ILKAP: variants seen among roughly 807,000 people sequenced by gnomAD.
ILKAP encodes integrin-linked kinase-associated serine/threonine phosphatase 2C.
In ILKAP, 11 loss-of-function variants were observed where a neutral mutation model predicts 49.1. The ratio of observed to expected loss-of-function variants is 0.22; its 90% CI spans 0.14 to 0.37. The LOEUF (loss-of-function observed/expected upper bound fraction) is 0.37, where lower values mean the gene tolerates loss of function less well. Among genes scored for constraint, ILKAP ranks in the 10% least tolerant of loss-of-function variants. The pLI is 1.00. For missense variants in ILKAP, 363 were observed against 510.8 expected (o/e 0.71, Z 2.79); for synonymous variants, 186 against 192.8 (o/e 0.96, Z 0.29).
intron 4 of ILKAP, among the ~76,000 whole-genome samples, chr2:238,189,052 C>T (rs1694015907): frequency 6.6e-6 from 1 of 152,208 alleles, no homozygotes; most frequent in Non-Finnish European, 1.5e-5. Context: ...GGCACGGTTG[C>T]TCACGCCTGT....
At chr2:238,180,184 GAAAGAAAAAGAA>G (rs71043111) in intron 9 of ILKAP, among the ~76,000 whole-genome samples, 3 of 150,052 alleles carry the variant, frequency 2.0e-5, no homozygotes, top group African/African-American at 4.9e-5. Flanking sequence ...AAAAAAGAAA[GAAAGAAAAAGAA>G]AAAGAAAAAG....
At chr2:238,183,883 C>T (rs1693795593) in intron 7 of ILKAP, 137 bp downstream of exon 7, 7 of 952,298 alleles carry the variant, frequency 7.4e-6, no homozygotes, top group Non-Finnish European at 1.1e-5. Flanking sequence ...TTAGATTTAG[C>T]TAACGGTTAT....
At chr2:238,197,483 A>C (rs1185214505) in intron 1 of ILKAP, among the ~76,000 whole-genome samples, 2 of 152,172 alleles carry the variant, frequency 1.3e-5, no homozygotes, top group Non-Finnish European at 2.9e-5. Context: ...GTCATATTTT[A>C]ACTTTTGAAT....
intron 3 of ILKAP, among the ~76,000 whole-genome samples, chr2:238,190,410 G>A (rs946668960): frequency 6.6e-6 from 1 of 152,170 alleles, no homozygotes; most frequent in South Asian, 2.1e-4. Flanking sequence ...CAGCCTTTAA[G>A]AACTGTAATA....
intron 11 of ILKAP, 50 bp from the exon 12 acceptor site, chr2:238,170,726 C>A: frequency 2.5e-6 from 4 of 1,600,952 alleles, no homozygotes; most frequent in East Asian, 2.2e-5. Flanking sequence ...CGCACCCTGT[C>A]ACTTTCCTGA....
chr2:238,178,790 AATTATT>A (rs1472878013), intron 9 of ILKAP, among the ~76,000 whole-genome samples: 1 of 145,574 alleles, frequency 6.9e-6, no homozygotes, highest in Non-Finnish European at 1.5e-5. Context: ...GATGTAAATC[AATTATT>A]ATTATTTTTT....
chr2:238,192,785 C>T (rs901278502), intron 3 of ILKAP, among the ~76,000 whole-genome samples: 6 of 151,468 alleles, frequency 4.0e-5, no homozygotes, highest in East Asian at 3.9e-4. Flanking sequence ...GAGGCTGAGG[C>T]GGACAGATCA....
intron 1 of ILKAP, among the ~76,000 whole-genome samples, chr2:238,196,963 G>A (rs1694368747): frequency 6.6e-6 from 1 of 152,216 alleles, no homozygotes; most frequent in Non-Finnish European, 1.5e-5. Flanking sequence ...AGCACTTTGG[G>A]AGGTCAAGGT....
In ILKAP at chr2:238,188,210, C is replaced by T; in HGVS notation, c.346G>A (p.Gly116Ser). The T allele has an allele frequency of 6.2e-7, 1 of 1,614,064 alleles. No homozygotes were observed. The highest frequency in any genetic ancestry group is 1.1e-5 in the South Asian group (1 of 91,068). ...GCATCCTGCATCTCCTCCCTCTCAC[C>T]CTTCCGCTCAGCCACATAGCCCTTC... ...GLKGYVAERK[G>S]EREEMQDAHV... is the part of the protein sequence containing the mutation. The change falls in exon 5 of 12, where the codon GGT (glycine) becomes AGT (serine). Residue 116 changes from glycine (G) to serine (S), a missense_variant. Gly to Ser is a moderately conservative substitution (Grantham distance 56). This residue lies in a region of ILKAP where 166 missense variants were observed against 307.3 expected (regional missense o/e 0.54). Transcript: ENST00000254654.
chr2:238,182,242 G>GT, intron 8 of ILKAP, 56 bp from the exon 9 acceptor site: 1 of 1,595,086 alleles, frequency 6.3e-7, no homozygotes, highest in Non-Finnish European at 8.6e-7. Flanking sequence ...GCATCTAAAG[G>GT]TACCAGTTGA....
At position 238,185,561 on chromosome 2, in the gene ILKAP, T is replaced by TG. The variant is rs1673233577; in HGVS notation, c.426-275dup. 3 of 293,196 alleles carry TG rather than the reference T, an allele frequency of 1.0e-5. No homozygotes were observed. The South Asian group carries it at 1.2e-4, about 11-fold the overall frequency. The allele number at this position is 293,196 out of a possible 1,614,324, so 18.2% of individuals were successfully genotyped here. On this transcript the variant is annotated intron_variant, in intron 5 of 11. Transcript: ENST00000254654. ...GCTCATGCCTGTAATCCCAGCGCTTTGGGAGGCCGAGGCAGGCGGATCACG... is the reference window on the plus strand; with the variant it reads ...GCTCATGCCTGTAATCCCAGCGCTTTGGGGAGGCCGAGGCAGGCGGATCACG...
At chr2:238,190,003 A>G in intron 3 of ILKAP, 31 bp from the exon 4 acceptor site, 1 of 1,607,882 alleles carries the variant, frequency 6.2e-7, no homozygotes, top group Non-Finnish European at 8.5e-7. Flanking sequence ...AGACAGAAAC[A>G]CAGCTGTAGA....
At position 238,203,549 on chromosome 2, in the gene ILKAP, T is replaced by A; in HGVS notation, c.5A>T (p.Asp2Val). The A allele has an allele frequency of 8.5e-7, 1 of 1,176,002 alleles. No individual in the cohort carries two copies. Among genetic ancestry groups the A allele is most frequent in the Non-Finnish European group, 1.1e-6 (1 of 948,808 alleles). 72.8% of individuals were successfully genotyped at this position (1,176,002 alleles called of 1,614,324 possible). The change falls in exon 1 of 12, where the codon GAC becomes GTC. Residue 2 changes from aspartate to valine, a missense_variant. By Grantham distance (152) the Asp-to-Val change is radical. Around this residue, in one of 3 missense-constraint regions of ILKAP, gnomAD observed 114 missense variants for 116.0 expected, o/e 0.98. Coordinates refer to ENST00000254654, the MANE Select transcript of ILKAP (RefSeq NM_030768.3). ...GGGCTCCGGCAGGTCCCCGAAGAGG[T>A]CCATGGCGGAGGCTGGGTGGAGGCG... M[D>V]LFGDLPEPER...
At chr2:238,198,931 C>T (rs1181375448) in intron 1 of ILKAP, among the ~76,000 whole-genome samples, 1 of 152,174 alleles carries the variant, frequency 6.6e-6, no homozygotes, top group Non-Finnish European at 1.5e-5. Context: ...TTTCCAAACA[C>T]CACAGAGGTA....
chr2:238,184,219 C>T, intron 6 of ILKAP, 106 bp from the exon 7 acceptor site: 1 of 705,176 alleles, frequency 1.4e-6, no homozygotes, highest in Non-Finnish European at 2.5e-6. Flanking sequence ...GAGACGGAGT[C>T]TCGTTCTGTC....
chr2:238,191,359 T>C (rs895049349), intron 3 of ILKAP, among the ~76,000 whole-genome samples: 3 of 152,182 alleles, frequency 2.0e-5, no homozygotes, highest in Admixed American at 1.3e-4. Flanking sequence ...AGGTTGGTCT[T>C]GAACCGCCTG....
At chr2:238,175,492 C>T (rs1459567711) in intron 9 of ILKAP, among the ~76,000 whole-genome samples, 3 of 152,134 alleles carry the variant, frequency 2.0e-5, no homozygotes, top group Admixed American at 6.6e-5. Flanking sequence ...TCCCAGGAAA[C>T]GCGTTTGGTA....
At position 238,189,918 on chromosome 2, in the gene ILKAP, T is replaced by C. The variant is rs200303880; in HGVS notation, c.233A>G (p.Lys78Arg). 1.2e-5 allele frequency: 20 copies of C among 1,613,964 alleles called. No individual in the cohort carries two copies. The highest frequency in any genetic ancestry group is 2.5e-6 in the Non-Finnish European group (3 of 1,179,938). The change falls in exon 4 of 12, where the codon AAG becomes AGG. Residue 78 changes from lysine to arginine, a missense_variant. By Grantham distance (26) the Lys-to-Arg change is conservative. Around this residue, in one of 3 missense-constraint regions of ILKAP, gnomAD observed 114 missense variants for 116.0 expected, o/e 0.98. Coordinates refer to ENST00000254654, the MANE Select transcript of ILKAP (RefSeq NM_030768.3). ...QMVKTEGKGA[K>R]RKTSEEEKNG... ...CTTCTCTTCCTCGGAGGTTTTTCTCTTTGCTCCTTTCCCTTCAGTCTTTAC... is the reference window on the plus strand; with the variant it reads ...CTTCTCTTCCTCGGAGGTTTTTCTCCTTGCTCCTTTCCCTTCAGTCTTTAC...
chr2:238,189,713 C>G (rs111577930), intron 4 of ILKAP, 140 bp downstream of exon 4: 2 of 675,890 alleles, frequency 3.0e-6, no homozygotes, highest in Non-Finnish European at 4.8e-6. Context: ...CTTGGAAATT[C>G]ATTTGCAAAA....
Sources: allele counts gnomAD v4.1 joint callset (sites outside exome capture counted in the v4.1 genomes callset), GRCh38; gene constraint gnomAD v4.1.1; regional missense constraint gnomAD v4.1.1; transcripts MANE v1.5; gene names NCBI Gene and HGNC (gene_info 2026-07-23, HGNC 2026-07-21).